The following SCN9A variants were observed in gnomAD, a reference collection of about 807,000 sequenced individuals.
SCN9A encodes sodium channel protein type 9 subunit alpha.
SCN9A carries 131 observed loss-of-function variants against 187.0 expected under a neutral mutation model. That is an observed-to-expected ratio of 0.70 (90% CI 0.61 to 0.81). The LOEUF (loss-of-function observed/expected upper bound fraction) is 0.81, where lower values mean the gene tolerates loss of function less well. Among genes scored for constraint, SCN9A ranks in the 30% least tolerant of loss-of-function variants. SCN9A has a pLI of 0.00. For synonymous variants in SCN9A, 809 were observed against 808.6 expected (o/e 1.00, Z -0.01); for missense variants, 2,252 against 2,396.6 (o/e 0.94, Z 1.26).
chr2:166,272,255 A>G (rs1219239525), intron 17 of SCN9A, 144 bp downstream of exon 17: 1 of 534,428 alleles, frequency 1.9e-6, no homozygotes, highest in African/African-American at 1.9e-5. Flanking sequence ...AATCTTCAGG[A>G]AGCTGTTGTG....
chr2:166,286,176 G>A (rs1239017512), intron 11 of SCN9A, among the ~76,000 whole-genome samples, 160 bp downstream of exon 11: 4 of 152,080 alleles, frequency 2.6e-5, no homozygotes, highest in Non-Finnish European at 5.9e-5. Flanking sequence ...GGAAACCTGT[G>A]TACATCTTTC....
chr2:166,357,995 T>TC (rs1306150659), intron 1 of SCN9A, among the ~76,000 whole-genome samples: 25 of 151,710 alleles, frequency 1.6e-4, no homozygotes, highest in Admixed American at 6.6e-5. Flanking sequence ...TCATAAATTT[T>TC]TTTTCATCTT....
intron 1 of SCN9A, among the ~76,000 whole-genome samples, chr2:166,329,124 C>T (rs1194598879): frequency 6.6e-6 from 1 of 152,080 alleles, no homozygotes; most frequent in Non-Finnish European, 1.5e-5. Context: ...TGATTATCTG[C>T]ATCATTATTA....
intron 24 of SCN9A, among the ~76,000 whole-genome samples, chr2:166,211,352 G>A (rs979340096): frequency 1.3e-5 from 2 of 152,062 alleles, no homozygotes; most frequent in African/African-American, 4.8e-5. Context: ...AAATGCTGAG[G>A]GAGTTCATCA....
rs1442233684 is a variant in SCN9A at position 166,238,038 on chromosome 2, T to C, written c.3801+56A>G. 18 of 1,347,560 alleles carry C rather than the reference T, an allele frequency of 1.3e-5. No homozygotes were observed. In the Admixed American group the frequency reaches 3.3e-4, roughly 25 times the overall value. The allele number at this position is 1,347,560 out of a possible 1,614,324, so 83.5% of individuals were successfully genotyped here. A position where few individuals can be genotyped will look rare whatever the true frequency, so the allele number is the denominator to read the frequency against. ...AATATGCAATAGTGGTGAAGGTTTT[T>C]TCACAACACACAGTAAGAATAAATC... is the stretch of plus-strand genomic sequence containing the variant. On this transcript the variant is annotated intron_variant, in intron 20 of 26. Coordinates refer to ENST00000642356, the MANE Select transcript of SCN9A (RefSeq NM_001365536.1).
intron 19 of SCN9A, among the ~76,000 whole-genome samples, chr2:166,238,901 G>A (rs867024458): frequency 9.2e-5 from 14 of 152,068 alleles, no homozygotes; most frequent in African/African-American, 2.2e-4. Context: ...CCATTAATGC[G>A]GTGCTTCCTA....
At chr2:166,338,443 T>C (rs1192207158) in intron 1 of SCN9A, among the ~76,000 whole-genome samples, 1 of 152,130 alleles carries the variant, frequency 6.6e-6, no homozygotes, top group Non-Finnish European at 1.5e-5. Context: ...TCTATACTTA[T>C]GCTATTTGTT....
chr2:166,309,634 A>T (rs898225942), intron 2 of SCN9A, among the ~76,000 whole-genome samples: 1 of 151,768 alleles, frequency 6.6e-6, no homozygotes, highest in African/African-American at 2.4e-5. Context: ...TTCCATGCTC[A>T]TGTGTAGGAA....
chr2:166,286,489 C>G lies in SCN9A; in HGVS notation c.1449G>C (p.Lys483Asn), dbSNP rs201550725. 1 of 1,613,566 alleles carries G rather than the reference C, an allele frequency of 6.2e-7. No individual in the cohort carries two copies. The highest frequency in any genetic ancestry group is 8.5e-7 in the Non-Finnish European group (1 of 1,179,780). ...AKERRNRRKK[K>N]NQKKLSSGEE... The stretch of plus-strand genomic sequence containing the variant: ...CTCCACTGGAGAGCTTCTTTTGATT[C>G]TTTTTCTTTCTTCTGTTTCTTCTTT... The change falls in exon 11 of 27, where the codon AAG becomes AAC. Residue 483 changes from lysine (K) to asparagine (N), a missense_variant. By Grantham distance (94) the Lys-to-Asn change is moderately conservative. Coordinates refer to ENST00000642356, the MANE Select transcript of SCN9A (RefSeq NM_001365536.1).
intron 17 of SCN9A, among the ~76,000 whole-genome samples, chr2:166,266,702 T>A (rs1289837131): frequency 6.6e-6 from 1 of 151,856 alleles, no homozygotes; most frequent in African/African-American, 2.4e-5. Context: ...GAACATGGAA[T>A]ATCTTTCCCT....
chr2:166,246,958 C>A (rs1290964831), intron 18 of SCN9A, among the ~76,000 whole-genome samples: 1 of 151,834 alleles, frequency 6.6e-6, no homozygotes, highest in African/African-American at 2.4e-5. Flanking sequence ...AGATTTCCAA[C>A]TAAGCTGGTT....
In SCN9A at chr2:166,312,470, T is replaced by C. The variant is rs528745212; in HGVS notation, c.-50-664A>G. Among the ~76,000 whole-genome samples, 7 of 152,154 alleles carry C rather than the reference T, an allele frequency of 4.6e-5. No individual in the cohort carries two copies. The South Asian group carries it at 1.5e-3, about 32-fold the overall frequency. ...AACCTCTCATAGTCATCCATGAGAG[T>C]TGGAATCAACTCATTCCAATTTCCT... On this transcript the variant is annotated intron_variant, in intron 1 of 26. Coordinates refer to ENST00000642356, the MANE Select transcript of SCN9A (RefSeq NM_001365536.1).
intron 24 of SCN9A, among the ~76,000 whole-genome samples, chr2:166,220,602 T>C (rs1401253809): frequency 6.6e-6 from 1 of 152,192 alleles, no homozygotes; most frequent in Non-Finnish European, 1.5e-5. Flanking sequence ...ATGTTCATTA[T>C]AAATTACCCA....
chr2:166,233,643 AAAG>A (rs1440738701), intron 20 of SCN9A, among the ~76,000 whole-genome samples, 181 bp from the exon 21 acceptor site: 2 of 152,136 alleles, frequency 1.3e-5, no homozygotes, highest in African/African-American at 2.4e-5. Flanking sequence ...AATAGATTTA[AAAG>A]AAGGTTAACC....
chr2:166,345,697 C>T (rs936355293), intron 1 of SCN9A, among the ~76,000 whole-genome samples: 5 of 152,090 alleles, frequency 3.3e-5, no homozygotes, highest in African/African-American at 1.2e-4. Context: ...TTTCCTTCTT[C>T]CTGAGCTCCT....
intron 26 of SCN9A, among the ~76,000 whole-genome samples, chr2:166,201,940 G>C (rs551800758): frequency 4.0e-4 from 60 of 151,386 alleles, no homozygotes; most frequent in African/African-American, 1.4e-3. Flanking sequence ...AATTTTCCTT[G>C]TGTTTTGTTA....
At chr2:166,343,761 C>T (rs928627025) in intron 1 of SCN9A, among the ~76,000 whole-genome samples, 2 of 151,868 alleles carry the variant, frequency 1.3e-5, no homozygotes, top group Non-Finnish European at 2.9e-5. Context: ...TGTGCCACTG[C>T]ACTCAGCCTG....
chr2:166,340,235 G>A (rs1335820384), intron 1 of SCN9A, among the ~76,000 whole-genome samples: 3 of 151,898 alleles, frequency 2.0e-5, no homozygotes, highest in African/African-American at 4.8e-5. Flanking sequence ...AATTTATATC[G>A]ACTATTTGAC....
chr2:166,291,618 A>C (rs546983162), intron 9 of SCN9A, among the ~76,000 whole-genome samples: 2 of 152,170 alleles, frequency 1.3e-5, no homozygotes, highest in Non-Finnish European at 2.9e-5. Context: ...AGCAAAGACA[A>C]TTCTAAGCAA....
Sources: gnomAD v4.1 joint callset for allele counts (sites outside exome capture counted in the v4.1 genomes callset) on GRCh38, gnomAD v4.1.1 for gene constraint, MANE v1.5 for transcripts, NCBI Gene and HGNC (gene_info 2026-07-23, HGNC 2026-07-21) for gene names.